ZNF226: variants seen among roughly 807,000 people sequenced by gnomAD.
ZNF226 encodes zinc finger protein 226, also known as Kruppel-associated box protein.
Under a neutral mutation model 11.4 loss-of-function variants are expected in ZNF226, and 6 were observed. The observed-to-expected ratio is 0.53, with a 90% CI of 0.29 to 1.04. The LOEUF (loss-of-function observed/expected upper bound fraction) is 1.04. Among genes scored for constraint, ZNF226 ranks in the 50% least tolerant of loss-of-function variants. ZNF226 has a pLI of 0.08. For synonymous variants in ZNF226, 350 were observed against 322.8 expected (o/e 1.08, Z -0.90); for missense variants, 1,058 against 956.5 (o/e 1.11, Z -1.40).
the ZNF226 span, among the ~76,000 whole-genome samples, chr19:44,190,403 G>A: frequency 2.6e-5 from 4 of 151,866 alleles, no homozygotes; most frequent in African/African-American, 7.3e-5. Context: ...GCGCGATCTC[G>A]GCTCACTGCA....
chr19:44,182,118 T>C (rs2122545639), downstream of ZNF226, among the ~76,000 whole-genome samples: 1 of 152,292 alleles, frequency 6.6e-6, no homozygotes, highest in East Asian at 1.9e-4. Flanking sequence ...TGGGAATAGT[T>C]TCAACAGTTT....
At chr19:44,186,326 C>T in the ZNF226 span, among the ~76,000 whole-genome samples, 2 of 151,982 alleles carry the variant, frequency 1.3e-5, no homozygotes, top group African/African-American at 4.8e-5. Flanking sequence ...AGTCTTCAAA[C>T]CCCTGAGTAC....
At chr19:44,172,341 A>T in intron 4 of ZNF226, 127 bp downstream of exon 4, 1 of 1,255,978 alleles carries the variant, frequency 8.0e-7, no homozygotes, top group Non-Finnish European at 1.1e-6. Context: ...GAGACACTGG[A>T]TGTTTCTGGT....
At chr19:44,184,989 T>C in the ZNF226 span, among the ~76,000 whole-genome samples, 10 of 152,250 alleles carry the variant, frequency 6.6e-5, no homozygotes, top group Non-Finnish European at 1.2e-4. Context: ...TTGACTACTT[T>C]AGATACTTCA....
At chr19:44,173,913 C>A (rs1207705540) in intron 5 of ZNF226, 1 of 152,234 alleles carries the variant, frequency 6.6e-6, no homozygotes, top group Non-Finnish European at 1.5e-5. Flanking sequence ...GGAGTGTAAT[C>A]TCCAGGAGTG....
chr19:44,193,703 C>T, the ZNF226 span, among the ~76,000 whole-genome samples: 1 of 151,890 alleles, frequency 6.6e-6, no homozygotes, highest in Non-Finnish European at 1.5e-5. Flanking sequence ...TCAGAGCGAG[C>T]AGAGAAAAAA....
In ZNF226 at chr19:44,177,269, G is replaced by A. The variant is rs1310304384; in HGVS notation, c.2007G>A (p.Lys669=). The A allele has an allele frequency of 6.2e-7, 1 of 1,613,492 alleles. No individual in the cohort carries two copies. The highest frequency in any genetic ancestry group is 8.5e-7 in the Non-Finnish European group (1 of 1,179,834). The part of the protein sequence containing the change: ...QAHQKVHTGD[K]PYKCDECGKG... ...ATCAAAAAGTCCACACTGGAGATAA[G>A]CCATACAAATGTGATGAGTGTGGGA... Residue 669 remains lysine, a synonymous_variant, in exon 6 of 6, where the codon AAG becomes AAA. Transcript: ENST00000337433.
At chr19:44,188,581 G>A in the ZNF226 span, among the ~76,000 whole-genome samples, 364 of 152,304 alleles carry the variant, frequency 2.4e-3, 3 homozygotes, top group Middle Eastern at 0.01. Flanking sequence ...GCCATTTTAT[G>A]TAAGGGACTT....
At chr19:44,179,164 A>G (rs968520162), downstream of ZNF226, among the ~76,000 whole-genome samples, 3 of 152,124 alleles carry the variant, frequency 2.0e-5, no homozygotes, top group African/African-American at 4.8e-5. Context: ...TGGGCGATAG[A>G]GTGAGACTCA....
chr19:44,175,271 ATGG>A (rs1217764918), intron 5 of ZNF226: 56 of 1,396,290 alleles, frequency 4.0e-5, no homozygotes, highest in Non-Finnish European at 5.1e-5. Context: ...GTGTTTTTAA[ATGG>A]GTTTCATTAG....
the ZNF226 span, among the ~76,000 whole-genome samples, chr19:44,185,194 A>G: frequency 1.3e-5 from 2 of 152,226 alleles, no homozygotes; most frequent in African/African-American, 4.8e-5. Flanking sequence ...TTGCTTCTAC[A>G]TCTTGGCTAT....
chr19:44,175,454 G>C (rs921350018), intron 5 of ZNF226, 44 bp from the exon 6 acceptor site: 1 of 1,527,584 alleles, frequency 6.5e-7, no homozygotes, highest in Admixed American at 2.3e-5. Flanking sequence ...TTAAATCTTT[G>C]AACAAAAAAA....
At chr19:44,196,813 A>C in the ZNF226 span, among the ~76,000 whole-genome samples, 2 of 152,126 alleles carry the variant, frequency 1.3e-5, no homozygotes, top group African/African-American at 2.4e-5. Flanking sequence ...ACATGCCTCA[A>C]TTCTCAGAAG....
At chr19:44,182,530 C>A (rs1357657965), downstream of ZNF226, among the ~76,000 whole-genome samples, 2 of 152,140 alleles carry the variant, frequency 1.3e-5, no homozygotes, top group African/African-American at 4.8e-5. Flanking sequence ...GTATGTAAAG[C>A]CTTACTCAAC....
chr19:44,190,079 A>C, the ZNF226 span, among the ~76,000 whole-genome samples: 1 of 152,354 alleles, frequency 6.6e-6, no homozygotes, highest in Admixed American at 6.5e-5. Flanking sequence ...ACAGAACTAC[A>C]ATCTAATAAC....
the ZNF226 span, among the ~76,000 whole-genome samples, chr19:44,183,904 G>A: frequency 1.3e-5 from 2 of 152,152 alleles, no homozygotes; most frequent in Non-Finnish European, 2.9e-5. Context: ...TAAGGTCCCA[G>A]CTCAGTTCTG....
Position 44,176,357 on chromosome 19 carries a change from T to G in ZNF226, c.1095T>G (p.Cys365Trp), listed in dbSNP as rs1261564754. Residue 365 changes from cysteine (C) to tryptophan (W), a missense_variant, in exon 6 of 6, where the codon TGT becomes TGG. Coordinates refer to ENST00000337433, the MANE Select transcript of ZNF226 (RefSeq NM_001032373.2). ...KVHTAEKPYN[C>W]EECGRAFSQA... ...ACACGGCAGAGAAACCTTATAATTGTGAGGAGTGTGGGAGGGCCTTCAGTC... is the reference window on the plus strand; with the variant it reads ...ACACGGCAGAGAAACCTTATAATTGGGAGGAGTGTGGGAGGGCCTTCAGTC... 20 of 1,614,142 alleles carry G rather than the reference T, an allele frequency of 1.2e-5. No individual in the cohort carries two copies. Among genetic ancestry groups the G allele is most frequent in the Non-Finnish European group, 1.7e-5 (20 of 1,180,012 alleles).
At chr19:44,168,998 C>CTTTTTTTTTTTTTTTT (rs34967576) in intron 2 of ZNF226, among the ~76,000 whole-genome samples, 4 of 90,818 alleles carry the variant, frequency 4.4e-5, no homozygotes, top group African/African-American at 1.8e-4. Flanking sequence ...CTCCCTTTTC[C>CTTTTTTTTTTTTTTTT]TTTTTTTTTT....
chr19:44,177,694 T>A (rs1970832503), downstream of ZNF226: 1 of 1,543,460 alleles, frequency 6.5e-7, no homozygotes, highest in Non-Finnish European at 8.7e-7. Flanking sequence ...AAGACTCGTG[T>A]CATTTGAATT....
Sources: gnomAD v4.1 joint callset for allele counts (sites outside exome capture counted in the v4.1 genomes callset) on GRCh38, gnomAD v4.1.1 for gene constraint, MANE v1.5 for transcripts, NCBI Gene and HGNC (gene_info 2026-07-23, HGNC 2026-07-21) for gene names.